RAPGEF4: variants seen among roughly 807,000 people sequenced by gnomAD.
RAPGEF4 encodes the protein Rap guanine nucleotide exchange factor 4.
Under a neutral mutation model 147.9 loss-of-function variants are expected in RAPGEF4, and 66 were observed. The ratio of observed to expected loss-of-function variants is 0.45; its 90% CI spans 0.37 to 0.55. The LOEUF is 0.55. RAPGEF4 is among the 20% of genes least tolerant of loss of function. The pLI is 0.00. For synonymous variants in RAPGEF4, 419 were observed against 442.7 expected (o/e 0.95, Z 0.67); for missense variants, 1,071 against 1,257.3 (o/e 0.85, Z 2.24).
At chr2:172,882,529 CTA>C (rs574319788) in intron 4 of RAPGEF4, among the ~76,000 whole-genome samples, 84 of 152,198 alleles carry the variant, frequency 5.5e-4, no homozygotes, top group African/African-American at 1.9e-3. Context: ...CTATGAGAAG[CTA>C]TCATAGGAGG....
chr2:172,854,159 A>G (rs936224208), intron 4 of RAPGEF4, among the ~76,000 whole-genome samples: 2 of 152,068 alleles, frequency 1.3e-5, no homozygotes, highest in African/African-American at 4.8e-5. Context: ...TGATTTTTTC[A>G]TCTTATTCTA....
chr2:173,010,926 A>G (rs188117501), intron 17 of RAPGEF4, among the ~76,000 whole-genome samples: 74 of 152,274 alleles, frequency 4.9e-4, no homozygotes, highest in African/African-American at 1.8e-3. Context: ...TTAGTAAATA[A>G]ACATCCATGA....
intron 4 of RAPGEF4, among the ~76,000 whole-genome samples, chr2:172,816,919 CAATGTTTTAATTGTCTA>C (rs1223494890): frequency 4.6e-5 from 7 of 152,200 alleles, no homozygotes; most frequent in Admixed American, 3.3e-4. Context: ...GATGCTCAAT[CAATGTTTTAATTGTCTA>C]AACTGAAAAT....
intron 4 of RAPGEF4, chr2:172,821,542 A>G: frequency 1.0e-6 from 1 of 975,628 alleles, no homozygotes; most frequent in Non-Finnish European, 1.2e-6. Context: ...AGCCACACAC[A>G]TCCTGTTGGC....
chr2:172,954,108 T>A (rs1281843304), intron 6 of RAPGEF4, among the ~76,000 whole-genome samples: 3 of 152,130 alleles, frequency 2.0e-5, no homozygotes, highest in Admixed American at 2.0e-4. Context: ...TAGGTAAAAC[T>A]GGTGGGGTTG....
intron 30 of RAPGEF4, 97 bp downstream of exon 30, chr2:173,048,751 TGACTGTGTCAGA>T (rs1685816745): frequency 6.3e-7 from 1 of 1,578,844 alleles, no homozygotes; most frequent in Non-Finnish European, 8.6e-7. Flanking sequence ...GGGAAATATC[TGACTGTGTCAGA>T]GACACTTTGG....
chr2:172,880,238 G>A (rs1199411966), intron 4 of RAPGEF4, among the ~76,000 whole-genome samples: 1 of 152,184 alleles, frequency 6.6e-6, no homozygotes, highest in African/African-American at 2.4e-5. Context: ...CCGCGCTCTG[G>A]GGAGCTCAGG....
intron 26 of RAPGEF4, among the ~76,000 whole-genome samples, chr2:173,032,032 C>A (rs749336422): frequency 6.6e-6 from 1 of 151,762 alleles, no homozygotes; most frequent in Non-Finnish European, 1.5e-5. Context: ...GGAACAGCCA[C>A]GGAATAAAAT....
chr2:172,959,904 A>C (rs1303333983), intron 6 of RAPGEF4, among the ~76,000 whole-genome samples: 1 of 152,174 alleles, frequency 6.6e-6, no homozygotes, highest in Non-Finnish European at 1.5e-5. Context: ...AGCCTGGGCA[A>C]CATATCGAGA....
intron 29 of RAPGEF4, among the ~76,000 whole-genome samples, chr2:173,040,703 T>C (rs1286995683): frequency 6.6e-6 from 1 of 152,168 alleles, no homozygotes; most frequent in Non-Finnish European, 1.5e-5. Flanking sequence ...AGGTATGAAA[T>C]AAGGATTAGA....
chr2:172,908,958 G>T lies in RAPGEF4; in HGVS notation c.445-8844G>T, dbSNP rs145604056. On this transcript the variant is annotated intron_variant, in intron 4 of 30. Transcript: ENST00000397081. ...CCTTGAGGTTTTCTTGTCATTTGAA[G>T]AATTGATTTCCTAACTGCCTTTAGA... 1.2e-3 allele frequency among the ~76,000 whole-genome samples: 189 copies of T among 152,312 alleles called. 4 individuals are homozygous for T. The East Asian group carries it at 0.031, about 25-fold the overall frequency.
intron 29 of RAPGEF4, among the ~76,000 whole-genome samples, chr2:173,038,101 CTT>C (rs1461923398): frequency 1.3e-5 from 2 of 152,296 alleles, no homozygotes; most frequent in African/African-American, 4.8e-5. Flanking sequence ...CTCAAAGACT[CTT>C]TGTACTAGAT....
chr2:172,889,667 C>A, intron 4 of RAPGEF4: 1 of 159,964 alleles, frequency 6.3e-6, no homozygotes, highest in Non-Finnish European at 1.3e-5. Flanking sequence ...CATTCTTTCT[C>A]ATTCACTGTG....
upstream of RAPGEF4, chr2:172,735,700 A>T: frequency 6.4e-6 from 1 of 157,074 alleles, no homozygotes; most frequent in Admixed American, 6.5e-5. Context: ...CGGGGTCCCC[A>T]CCCCGGGGCG....
intron 29 of RAPGEF4, among the ~76,000 whole-genome samples, chr2:173,047,739 C>T (rs1010725326): frequency 6.6e-6 from 1 of 151,618 alleles, no homozygotes; most frequent in African/African-American, 2.4e-5. Context: ...TGCAGTGGCG[C>T]GATCTCGGCT....
intron 1 of RAPGEF4, among the ~76,000 whole-genome samples, chr2:172,739,364 T>G (rs1694102002): frequency 6.7e-6 from 1 of 148,464 alleles, no homozygotes; most frequent in African/African-American, 2.5e-5. Context: ...ATTGTTTAAG[T>G]TTTTTTGTTT....
intron 4 of RAPGEF4, among the ~76,000 whole-genome samples, chr2:172,838,755 G>A (rs534520813): frequency 6.6e-6 from 1 of 152,134 alleles, no homozygotes; most frequent in South Asian, 2.1e-4. Flanking sequence ...GTTTACACAT[G>A]TGAAAATTTA....
In RAPGEF4 at chr2:172,942,766, T is replaced by TTTTA. The variant is rs1214445027; in HGVS notation, c.538-17989_538-17986dup. ...GGTGAAATTAATTTTAATAACGTAT[T>TTTTA]TTTATTTAACCTAACACATCCAAAA... On this transcript the variant is annotated intron_variant, in intron 6 of 30. Transcript: ENST00000397081. 3.9e-5 allele frequency among the ~76,000 whole-genome samples: 6 copies of TTTTA among 152,228 alleles called. No homozygotes were observed. The East Asian group carries it at 1.2e-3, about 29-fold the overall frequency.
At position 173,001,326 on chromosome 2, in the gene RAPGEF4, G is replaced by T. The variant is rs1448701596; in HGVS notation, c.1640G>T (p.Cys547Phe). The change falls in exon 17 of 31, where the codon TGC becomes TTC. Residue 547 changes from cysteine (C) to phenylalanine (F), a missense_variant. By Grantham distance (205) the Cys-to-Phe change is radical (BLOSUM62 -2). Coordinates refer to ENST00000397081, the MANE Select transcript of RAPGEF4 (RefSeq NM_007023.4). The part of the protein sequence containing the change: ...HCVFMPNTQL[C>F]PALVAHYHAQ... Reference sequence around the variant, plus strand: ...GTTTTTATGCCAAATACCCAGCTTTGCCCGGCACTGGTGGCCCAATATCCT... The same window carrying T: ...GTTTTTATGCCAAATACCCAGCTTTTCCCGGCACTGGTGGCCCAATATCCT... The T allele has an allele frequency of 2.5e-6, 4 of 1,613,748 alleles. No homozygotes were observed. The East Asian group carries it at 8.9e-5, about 36-fold the overall frequency.
Sources: gnomAD v4.1 joint callset for allele counts (sites outside exome capture counted in the v4.1 genomes callset) on GRCh38, gnomAD v4.1.1 for gene constraint, MANE v1.5 for transcripts, NCBI Gene and HGNC (gene_info 2026-07-23, HGNC 2026-07-21) for gene names.